The following MRPL1 variants were observed in gnomAD, a reference collection of about 807,000 sequenced individuals.
MRPL1 encodes the protein mitochondrial ribosomal protein L1.
A neutral mutation model predicts 38.0 loss-of-function variants in MRPL1; 28 were observed. That is an observed-to-expected ratio of 0.74 (90% CI 0.55 to 1.01). The LOEUF (loss-of-function observed/expected upper bound fraction) is 1.01, where lower values mean the gene tolerates loss of function less well. MRPL1 is among the 50% of genes least tolerant of loss of function. The probability of loss-of-function intolerance (pLI) is 0.00; values close to 1 mark genes in which losing one functional copy is unlikely to be tolerated. For synonymous variants in MRPL1, 123 were observed against 126.7 expected, an observed-to-expected ratio of 0.97 and a Z score of 0.20; for missense variants, 358 against 389.8, an observed-to-expected ratio of 0.92 and a Z score of 0.69.
chr4:77,930,593 CT>C (rs1469783436), intron 7 of MRPL1, among the ~76,000 whole-genome samples: 1 of 152,182 alleles, frequency 6.6e-6, no homozygotes, highest in African/African-American at 2.4e-5. Context: ...AGAAATTTGA[CT>C]ACACAGAGGC....
rs1578037329 is a variant in MRPL1, at chr4:77,872,128, A to G, written c.143+273A>G. ...AATTTACAGAGAAGAAAATCGAGGC[A>G]CTGGTAGGTTATATAACTAGCCCAA... On this transcript the variant is annotated intron_variant, in intron 2 of 8. Transcript: ENST00000315567. 3.3e-5 allele frequency among the ~76,000 whole-genome samples: 5 copies of G among 152,288 alleles called. No individual in the cohort carries two copies. In the South Asian group the frequency reaches 1.0e-3, roughly 32 times the overall value.
chr4:77,935,056 G>T (rs1736933315), intron 7 of MRPL1, among the ~76,000 whole-genome samples: 1 of 152,136 alleles, frequency 6.6e-6, no homozygotes, highest in Non-Finnish European at 1.5e-5. Flanking sequence ...TGTTTAATGG[G>T]TTATATACTG....
intron 6 of MRPL1, among the ~76,000 whole-genome samples, chr4:77,897,530 G>A (rs1484271925): frequency 2.0e-5 from 3 of 152,244 alleles, no homozygotes; most frequent in Admixed American, 6.5e-5. Context: ...TTACACTAAT[G>A]TGTATTCCTC....
At chr4:77,943,761 A>G (rs1215625226) in intron 7 of MRPL1, among the ~76,000 whole-genome samples, 1 of 152,010 alleles carries the variant, frequency 6.6e-6, no homozygotes, top group East Asian at 1.9e-4. Context: ...TTCACTGAAC[A>G]TTTTTCCCTT....
chr4:77,889,562 A>T (rs562069160), intron 5 of MRPL1, among the ~76,000 whole-genome samples: 5 of 152,242 alleles, frequency 3.3e-5, no homozygotes, highest in Non-Finnish European at 4.4e-5. Flanking sequence ...TAACATCACA[A>T]TTAAAAGAAC....
At chr4:77,872,621 T>G (rs960946799) in intron 2 of MRPL1, among the ~76,000 whole-genome samples, 1 of 152,022 alleles carries the variant, frequency 6.6e-6, no homozygotes, top group African/African-American at 2.4e-5. Flanking sequence ...TCCCGGCACT[T>G]TGGGAGGCCG....
chr4:77,916,642 T>C (rs75347718), intron 7 of MRPL1, among the ~76,000 whole-genome samples: 38 of 152,288 alleles, frequency 2.5e-4, no homozygotes, highest in Non-Finnish European at 5.3e-4. Context: ...AGTATGAATG[T>C]CATCAAAGAT....
intron 7 of MRPL1, among the ~76,000 whole-genome samples, chr4:77,926,614 T>G (rs1326477990): frequency 9.5e-5 from 13 of 136,324 alleles, no homozygotes; most frequent in Admixed American, 8.4e-4. Context: ...CTTTTTTACT[T>G]TTTTTTTTTT....
Position 77,952,675 on chromosome 4 carries a change from AT to A in MRPL1, c.*73del. On this transcript the variant is annotated 3_prime_UTR_variant, in exon 9 of 9. Coordinates refer to ENST00000315567, the MANE Select transcript of MRPL1 (RefSeq NM_020236.4). ...ATGGAGAAAATGATAATACAGCATAATTTTTACATTTGATGTCTTGTTATTG... is the reference window on the plus strand; with the variant it reads ...ATGGAGAAAATGATAATACAGCATAATTTTACATTTGATGTCTTGTTATTG... 2.1e-6 allele frequency: 2 copies of A among 941,566 alleles called. No homozygotes were observed. The highest frequency in any genetic ancestry group is 3.3e-6 in the Non-Finnish European group (2 of 609,334). 58.3% of individuals were successfully genotyped at this position (941,566 alleles called of 1,614,324 possible).
intron 7 of MRPL1, among the ~76,000 whole-genome samples, chr4:77,934,004 A>C (rs1205043524): frequency 2.0e-5 from 3 of 152,218 alleles, no homozygotes; most frequent in African/African-American, 7.2e-5. Context: ...ATGTTTTCCT[A>C]CATGTGAAAA....
chr4:77,882,270 GTTGT>G (rs1735559416), intron 2 of MRPL1, among the ~76,000 whole-genome samples: 1 of 151,940 alleles, frequency 6.6e-6, no homozygotes, highest in Admixed American at 6.6e-5. Context: ...TTTTTATTAC[GTTGT>G]TTCTTTACCT....
chr4:77,925,619 G>C (rs1212503756), intron 7 of MRPL1, among the ~76,000 whole-genome samples: 1 of 146,758 alleles, frequency 6.8e-6, no homozygotes, highest in Non-Finnish European at 1.5e-5. Flanking sequence ...TGTGTTGTTG[G>C]TTTTCTGATT....
chr4:77,889,292 C>G (rs1578043819), intron 5 of MRPL1, among the ~76,000 whole-genome samples: 1 of 152,202 alleles, frequency 6.6e-6, no homozygotes, highest in Non-Finnish European at 1.5e-5. Flanking sequence ...TCTCAGACCA[C>G]AGTGCAGTGA....
intron 6 of MRPL1, among the ~76,000 whole-genome samples, chr4:77,907,953 A>G (rs1263877841): frequency 6.8e-6 from 1 of 147,920 alleles, no homozygotes. Context: ...GCTGGAGTGC[A>G]GTGGCTCATT....
At chr4:77,906,897 A>C (rs1375759166) in intron 6 of MRPL1, 1 of 878,338 alleles carries the variant, frequency 1.1e-6, no homozygotes, top group Non-Finnish European at 1.4e-6. Context: ...GAAAAAACTT[A>C]GTATTTTTTA....
chr4:77,925,024 A>G (rs1329998520), intron 7 of MRPL1, among the ~76,000 whole-genome samples: 4 of 152,172 alleles, frequency 2.6e-5, no homozygotes, highest in Admixed American at 6.5e-5. Context: ...GAACACCCAT[A>G]TACTACTCAT....
chr4:77,892,447 T>TA (rs1735829404), intron 5 of MRPL1, among the ~76,000 whole-genome samples: 1 of 152,186 alleles, frequency 6.6e-6, no homozygotes, highest in Non-Finnish European at 1.5e-5. Flanking sequence ...ATTTCTTAGA[T>TA]AACACATTCA....
At chr4:77,906,622 C>A (rs1164355164) in intron 6 of MRPL1, among the ~76,000 whole-genome samples, 1 of 151,988 alleles carries the variant, frequency 6.6e-6, no homozygotes. Flanking sequence ...AGACAGTTCA[C>A]CCATAGTGAC....
rs185875771 is a variant in MRPL1 at position 77,927,957 on chromosome 4, G to C, written c.777+18585G>C. Among the ~76,000 whole-genome samples the C allele has an allele frequency of 6.6e-5, 10 of 152,282 alleles. No homozygotes were observed. The East Asian group carries it at 1.9e-3, about 29-fold the overall frequency. On this transcript the variant is annotated intron_variant, in intron 7 of 8. Transcript: ENST00000315567. ...AGGCCTGATTTAACAAGTATTTCTT[G>C]TCTGGATTTCAAATATATTTGGAGC...
Sources: gnomAD v4.1 joint callset for allele counts (sites outside exome capture counted in the v4.1 genomes callset) on GRCh38, gnomAD v4.1.1 for gene constraint, MANE v1.5 for transcripts, NCBI Gene and HGNC (gene_info 2026-07-23, HGNC 2026-07-21) for gene names.